The following FGF6 variants were observed in gnomAD, a reference collection of about 807,000 sequenced individuals.
FGF6 encodes fibroblast growth factor 6.
FGF6 carries 14 observed loss-of-function variants against 18.4 expected under a neutral mutation model. The ratio of observed to expected loss-of-function variants is 0.76; its 90% CI spans 0.50 to 1.19. The LOEUF is 1.19. FGF6 is among the 50% of genes most tolerant of loss of function. The probability of loss-of-function intolerance (pLI) is 0.00; values close to 1 mark genes in which losing one functional copy is unlikely to be tolerated. For synonymous variants in FGF6, 125 were observed against 116.7 expected (o/e 1.07, Z -0.46); for missense variants, 266 against 271.6 (o/e 0.98, Z 0.15).
chr12:4,434,667 G>T (rs1384605769), intron 2 of FGF6, among the ~76,000 whole-genome samples: 2 of 152,142 alleles, frequency 1.3e-5, no homozygotes, highest in Non-Finnish European at 2.9e-5. Context: ...GCCACATGGG[G>T]TAGAGCTGAG....
chr12:4,442,989 G>GA (rs1385831560), intron 2 of FGF6, among the ~76,000 whole-genome samples: 1 of 152,220 alleles, frequency 6.6e-6, no homozygotes, highest in African/African-American at 2.4e-5. Context: ...TAGGTACCTG[G>GA]AAATCCATAC....
At position 4,434,372 on chromosome 12, in the gene FGF6, C is replaced by A. The variant is rs530698141; in HGVS notation, c.470G>T (p.Cys157Phe). The change falls in exon 3 of 3, where the codon TGC (cysteine) becomes TTC (phenylalanine). Residue 157 changes from cysteine to phenylalanine, a missense_variant. By Grantham distance (205) the Cys-to-Phe change is radical (BLOSUM62 -2). Transcript: ENST00000228837. ...LYATPSFQEE[C>F]KFRETLLPNN... The stretch of plus-strand genomic sequence containing the variant: ...GGGCAGGAGGGTTTCTCTGAACTTG[C>A]ATTCTTCTTGGAAGCTGGGCTGTGG... 2.5e-6 allele frequency: 4 copies of A among 1,614,034 alleles called. No homozygotes were observed. Among genetic ancestry groups the A allele is most frequent in the Non-Finnish European group, 3.4e-6 (4 of 1,180,038 alleles).
rs750338754 is a variant in FGF6, at chr12:4,445,262, G to A, written c.309C>T (p.Asp103=). Reference sequence around the variant, plus strand: ...CCTCGTGGGTCCCGCTGATCCGGCCGTCGGGGAGCACCTGGAGGTGAAAGC... The same window carrying A: ...CCTCGTGGGTCCCGCTGATCCGGCCATCGGGGAGCACCTGGAGGTGAAAGC... The part of the protein sequence containing the change: ...GIGFHLQVLP[D]GRISGTHEEN... Residue 103 remains aspartate, a synonymous_variant, in exon 1 of 3, where the codon GAC becomes GAT. Coordinates refer to ENST00000228837, the MANE Select transcript of FGF6 (RefSeq NM_020996.3). The surrounding 1 kb of genome is among the most constrained non-coding windows in gnomAD (Gnocchi z 5.5). 3.0e-5 allele frequency: 49 copies of A among 1,613,666 alleles called. No homozygotes were observed. In the Admixed American group the frequency reaches 5.7e-4, roughly 19 times the overall value.
Position 4,444,243 on chromosome 12 carries a change from A to G in FGF6, c.347-7T>C. On this transcript the variant is annotated splice_polypyrimidine_tract_variant and splice_region_variant and intron_variant, in intron 1 of 2. Transcript: ENST00000228837. ...GTGGAAATTTCCAGCAGGCCTGACA[A>G]GGAAAGGGGGGCCACATTACCTAAG... The G allele has an allele frequency of 6.3e-7, 1 of 1,599,900 alleles. No individual in the cohort carries two copies.
At chr12:4,436,695 G>T (rs1865632462) in intron 2 of FGF6, among the ~76,000 whole-genome samples, 1 of 152,214 alleles carries the variant, frequency 6.6e-6, no homozygotes, top group African/African-American at 2.4e-5. Context: ...TCAATGTGAT[G>T]TGAGCGTGGG....
intron 2 of FGF6, among the ~76,000 whole-genome samples, chr12:4,440,462 T>A (rs1409352087): frequency 2.0e-5 from 3 of 152,222 alleles, no homozygotes; most frequent in African/African-American, 7.2e-5. Context: ...TGGAGAAGGA[T>A]GGGGTGGAAG....
intron 2 of FGF6, among the ~76,000 whole-genome samples, chr12:4,443,621 C>A (rs1359073544): frequency 6.6e-6 from 1 of 152,156 alleles, no homozygotes; most frequent in South Asian, 2.1e-4. Flanking sequence ...CTCTAGCGTA[C>A]GTGATCGGAG....
At chr12:4,443,527 C>A (rs1258033500) in intron 2 of FGF6, among the ~76,000 whole-genome samples, 1 of 152,166 alleles carries the variant, frequency 6.6e-6, no homozygotes, top group Non-Finnish European at 1.5e-5. Context: ...CCAGCATTGG[C>A]ACTCCCAGAG....
At chr12:4,441,663 C>T (rs1275206207) in intron 2 of FGF6, among the ~76,000 whole-genome samples, 4 of 152,166 alleles carry the variant, frequency 2.6e-5, no homozygotes, top group African/African-American at 9.7e-5. Flanking sequence ...CCTTGTCCCC[C>T]TCACCAACAC....
chr12:4,434,221 C>A lies in FGF6; in HGVS notation c.621G>T (p.Arg207Ser), dbSNP rs1370920223. The A allele has an allele frequency of 6.2e-7, 1 of 1,613,750 alleles. No homozygotes were observed. The highest frequency in any genetic ancestry group is 8.5e-7 in the Non-Finnish European group (1 of 1,179,982). ...AGCCTTCTTTTGTGGGTCCTTAGATCCTGGGAAGGAAATGAGTGACAGTCA... is the reference window on the plus strand; with the variant it reads ...AGCCTTCTTTTGTGGGTCCTTAGATACTGGGAAGGAAATGAGTGACAGTCA... ...PIMTVTHFLP[R>S]I The change falls in exon 3 of 3, where the codon AGG becomes AGT. Residue 207 changes from arginine to serine, a missense_variant. By Grantham distance (110) the Arg-to-Ser change is moderately radical. Transcript: ENST00000228837.
chr12:4,440,193 A>G (rs1425773719), intron 2 of FGF6, among the ~76,000 whole-genome samples: 3 of 152,250 alleles, frequency 2.0e-5, no homozygotes, highest in Non-Finnish European at 4.4e-5. Flanking sequence ...CCCAGCATGA[A>G]AATATCTTCA....
intron 2 of FGF6, among the ~76,000 whole-genome samples, chr12:4,442,112 C>T (rs1865699033): frequency 6.6e-6 from 1 of 152,014 alleles, no homozygotes; most frequent in South Asian, 2.1e-4. Context: ...CGGGTCTTTT[C>T]CCAGAAGTCT....
intron 2 of FGF6, among the ~76,000 whole-genome samples, chr12:4,435,036 C>G (rs747462435): frequency 2.6e-5 from 4 of 151,932 alleles, no homozygotes; most frequent in Admixed American, 6.6e-5. Context: ...TGTGGTTCCT[C>G]AGTCTGTCTT....
rs368312517 is a variant in FGF6, at chr12:4,434,308, C to T, written c.534G>A (p.Gly178=). ...YNAYESDLYQ[G]TYIALSKYGR... Reference sequence around the variant, plus strand: ...CGTATTTGCTCAGGGCAATGTAGGTCCCTTGGTACAAGTCTGACTCGTAGG... The same window carrying T: ...CGTATTTGCTCAGGGCAATGTAGGTTCCTTGGTACAAGTCTGACTCGTAGG... The change falls in exon 3 of 3, where the codon GGG becomes GGA. Residue 178 remains glycine (G), a synonymous_variant. Coordinates refer to ENST00000228837, the MANE Select transcript of FGF6 (RefSeq NM_020996.3). 1.2e-6 allele frequency: 2 copies of T among 1,614,026 alleles called. No individual in the cohort carries two copies. Among genetic ancestry groups the T allele is most frequent in the East Asian group, 2.2e-5 (1 of 44,890 alleles).
intron 2 of FGF6, among the ~76,000 whole-genome samples, chr12:4,435,171 A>G (rs952269024): frequency 1.3e-5 from 2 of 152,074 alleles, no homozygotes; most frequent in Middle Eastern, 3.4e-3. Flanking sequence ...GCAGACCCAT[A>G]CCAGTCAGCG....
chr12:4,435,915 A>G (rs1865622904), intron 2 of FGF6, among the ~76,000 whole-genome samples: 1 of 152,134 alleles, frequency 6.6e-6, no homozygotes, highest in Non-Finnish European at 1.5e-5. Context: ...GGTCGGGGCT[A>G]GAAGAACAGA....
chr12:4,435,434 T>G (rs1865617008), intron 2 of FGF6, among the ~76,000 whole-genome samples: 1 of 152,038 alleles, frequency 6.6e-6, no homozygotes, highest in Admixed American at 6.5e-5. Flanking sequence ...AACAGTTTCA[T>G]CCCCAAACCG....
At position 4,445,533 on chromosome 12, in the gene FGF6, C is replaced by T. The variant is rs1565472687; in HGVS notation, c.38G>A (p.Arg13Gln). Reference protein sequence around the residue: ...LGQKLFITMSRGAGRLQGTLW... With the variant: ...LGQKLFITMSQGAGRLQGTLW... The stretch of plus-strand genomic sequence containing the variant: ...CGTGCCCTGCAGACGTCCTGCTCCC[C>T]GGGACATAGTGATGAACAGTTTCTG... The change falls in exon 1 of 3, where the codon CGG becomes CAG. Residue 13 changes from arginine to glutamine, a missense_variant. Arg to Gln is a conservative substitution (Grantham distance 43, BLOSUM62 1). Coordinates refer to ENST00000228837, the MANE Select transcript of FGF6 (RefSeq NM_020996.3). This position sits in a 1 kb window ranked among gnomAD's most constrained non-coding sequence, Gnocchi z 5.5. The T allele has an allele frequency of 5.6e-6, 9 of 1,608,796 alleles. No individual in the cohort carries two copies. The highest frequency in any genetic ancestry group is 1.7e-5 in the Admixed American group (1 of 59,876).
At chr12:4,444,332 T>C in intron 1 of FGF6, 96 bp from the exon 2 acceptor site, 1 of 791,024 alleles carries the variant, frequency 1.3e-6, no homozygotes, top group Non-Finnish European at 2.1e-6. Context: ...CCCCTTCTCC[T>C]AGAAAGCCAG....
Sources: allele counts gnomAD v4.1 joint callset (sites outside exome capture counted in the v4.1 genomes callset), GRCh38; gene constraint gnomAD v4.1.1; non-coding constraint Gnocchi (gnomAD v3.1); transcripts MANE v1.5; gene names NCBI Gene and HGNC (gene_info 2026-07-23, HGNC 2026-07-21).